Variants in PTPRJ observed in about 807,000 individuals in gnomAD.
PTPRJ encodes protein tyrosine phosphatase receptor type J.
Under a neutral mutation model 141.3 loss-of-function variants are expected in PTPRJ, and 129 were observed. The observed-to-expected ratio is 0.91, with a 90% CI of 0.79 to 1.06. The LOEUF (loss-of-function observed/expected upper bound fraction) is 1.06. Ranked by LOEUF, PTPRJ falls within the 50% of genes least tolerant of loss-of-function variation. The probability of loss-of-function intolerance (pLI) is 0.00; values close to 1 mark genes in which losing one functional copy is unlikely to be tolerated. For missense variants in PTPRJ, 1,601 were observed against 1,679.7 expected (o/e 0.95, Z 0.82); for synonymous variants, 610 against 640.5 (o/e 0.95, Z 0.72).
chr11:48,024,067 A>AC (rs1853738383), intron 1 of PTPRJ, among the ~76,000 whole-genome samples: 1 of 151,368 alleles, frequency 6.6e-6, no homozygotes, highest in Admixed American at 6.6e-5. Context: ...CCCCACCTGG[A>AC]CCCCCACCTG....
chr11:48,122,276 G>GAGAGAAA, intron 4 of PTPRJ, among the ~76,000 whole-genome samples: 1 of 152,278 alleles, frequency 6.6e-6, no homozygotes, highest in South Asian at 2.1e-4. Context: ...AGAAGAGAAT[G>GAGAGAAA]AGAGAAAAGA....
chr11:48,055,457 C>T (rs553795111), intron 1 of PTPRJ, among the ~76,000 whole-genome samples: 1 of 152,326 alleles, frequency 6.6e-6, no homozygotes, highest in South Asian at 2.1e-4. Flanking sequence ...TCATTCTTGG[C>T]CTCTTTCCTC....
intron 21 of PTPRJ, among the ~76,000 whole-genome samples, chr11:48,159,161 G>GTGTGTGTTTA (rs60389100): frequency 0.023 from 3,007 of 130,582 alleles, 87 homozygotes; most frequent in Middle Eastern, 0.07. Context: ...GTGTGTGTGT[G>GTGTGTGTTTA]GTCATTTGCC....
At chr11:48,107,873 A>C (rs1214564086) in intron 1 of PTPRJ, among the ~76,000 whole-genome samples, 1 of 152,054 alleles carries the variant, frequency 6.6e-6, no homozygotes, top group Non-Finnish European at 1.5e-5. Context: ...GCTTGAGCCC[A>C]GGAGCTTCTG....
intron 1 of PTPRJ, among the ~76,000 whole-genome samples, chr11:48,064,473 A>G (rs1049813034): frequency 6.6e-6 from 1 of 152,174 alleles, no homozygotes; most frequent in Non-Finnish European, 1.5e-5. Flanking sequence ...CATGGGCTGA[A>G]CTTGGGCATT....
At chr11:47,998,897 T>C (rs1365465179) in intron 1 of PTPRJ, among the ~76,000 whole-genome samples, 5 of 151,944 alleles carry the variant, frequency 3.3e-5, no homozygotes, top group African/African-American at 1.2e-4. Context: ...GAGGACAGAG[T>C]CTGAAGTTCA....
chr11:48,005,088 G>C (rs975095025), intron 1 of PTPRJ, among the ~76,000 whole-genome samples: 2 of 152,058 alleles, frequency 1.3e-5, no homozygotes, highest in African/African-American at 4.8e-5. Flanking sequence ...CAGGCATGGT[G>C]GTGGGTGCCT....
intron 11 of PTPRJ, among the ~76,000 whole-genome samples, chr11:48,141,884 G>A (rs980698854): frequency 6.7e-6 from 1 of 149,164 alleles, no homozygotes; most frequent in African/African-American, 2.4e-5. Flanking sequence ...TGCTTTTTGT[G>A]TGGTATCCAA....
At chr11:48,002,018 A>G (rs1267259397) in intron 1 of PTPRJ, among the ~76,000 whole-genome samples, 4 of 152,120 alleles carry the variant, frequency 2.6e-5, no homozygotes, top group African/African-American at 7.2e-5. Context: ...ATGAGAACTA[A>G]GGGAGTACAA....
At chr11:47,984,146 T>G (rs1457589422) in intron 1 of PTPRJ, among the ~76,000 whole-genome samples, 1 of 152,198 alleles carries the variant, frequency 6.6e-6, no homozygotes, top group Non-Finnish European at 1.5e-5. Context: ...TGACTTCAAG[T>G]TGGGCCCCAC....
rs140966645 is a variant in PTPRJ, at chr11:48,083,903, A to T, written c.97-26155A>T. On this transcript the variant is annotated intron_variant, in intron 1 of 24. Coordinates refer to ENST00000418331, the MANE Select transcript of PTPRJ (RefSeq NM_002843.4). The stretch of plus-strand genomic sequence containing the variant: ...GTCTGTGAGGTCAAAGTATTTTTAT[A>T]ATAATAGTAAACTATTTGTCCTTTC... Among the ~76,000 whole-genome samples the T allele has an allele frequency of 2.7e-3, 412 of 152,332 alleles. 1 individual carries two copies. Among genetic ancestry groups the T allele is most frequent in the African/African-American group, 9.5e-3 (393 of 41,572 alleles).
chr11:48,143,170 A>T, intron 12 of PTPRJ, 120 bp downstream of exon 12: 1 of 1,269,618 alleles, frequency 7.9e-7, no homozygotes, highest in Non-Finnish European at 1.1e-6. Context: ...ACTGCAGCCT[A>T]TGCTGTGTAC....
intron 1 of PTPRJ, among the ~76,000 whole-genome samples, chr11:48,024,754 G>A (rs186150252): frequency 6.6e-4 from 101 of 152,344 alleles, no homozygotes; most frequent in Non-Finnish European, 1.2e-3. Flanking sequence ...CATGAGCTGT[G>A]TTGTCATTTC....
chr11:48,005,086 G>A (rs757042906), intron 1 of PTPRJ, among the ~76,000 whole-genome samples: 2 of 133,210 alleles, frequency 1.5e-5, no homozygotes, highest in African/African-American at 3.9e-5. Flanking sequence ...GCCAGGCATG[G>A]TGGTGGGTGC....
At chr11:48,087,304 C>T (rs570734819) in intron 1 of PTPRJ, among the ~76,000 whole-genome samples, 7 of 152,268 alleles carry the variant, frequency 4.6e-5, no homozygotes, top group African/African-American at 1.4e-4. Context: ...CTGAGATTCT[C>T]GTGAAGCTAA....
intron 18 of PTPRJ, among the ~76,000 whole-genome samples, chr11:48,151,896 G>A (rs1318086758): frequency 6.6e-6 from 1 of 152,154 alleles, no homozygotes; most frequent in Non-Finnish European, 1.5e-5. Flanking sequence ...GAATAGTGCT[G>A]CAATAAACAT....
In PTPRJ at chr11:48,149,469, G is replaced by C. The variant is rs1408047551; in HGVS notation, c.3022G>C (p.Val1008Leu). 2 of 1,520,814 alleles carry C rather than the reference G, an allele frequency of 1.3e-6. No homozygotes were observed. The highest frequency in any genetic ancestry group is 1.8e-6 in the Non-Finnish European group (2 of 1,107,872). The allele number at this position is 1,520,814 out of a possible 1,614,324, so 94.2% of individuals were successfully genotyped here. ...KKRKDAKNNE[V>L]SFSQIKPKKS... Reference sequence around the variant, plus strand: ...CAGGAAAGATGCAAAGAATAATGAAGTGTCCTTTTCTCAAATTAAGTAAGT... The same window carrying C: ...CAGGAAAGATGCAAAGAATAATGAACTGTCCTTTTCTCAAATTAAGTAAGT... Residue 1008 changes from valine to leucine, a missense_variant, in exon 16 of 25, where the codon GTG becomes CTG. Physicochemically the swap from Val to Leu is conservative, Grantham distance 32. Transcript: ENST00000418331.
Position 48,130,653 on chromosome 11 carries a change from GAA to G in PTPRJ, c.1554_1555del (p.Glu518AspfsTer10). On this transcript the variant is annotated frameshift_variant, in exon 8 of 25. Transcript: ENST00000418331. LOFTEE classifies it high-confidence loss of function. ...GLFPGTKYCF[E>X]IVPKGPNGTE... Reference sequence around the variant, plus strand: ...GTTCCCTGGAACCAAGTATTGCTTTGAAATAGTTCCAAAAGGACCAAATGGGA... The same window carrying G: ...GTTCCCTGGAACCAAGTATTGCTTTGATAGTTCCAAAAGGACCAAATGGGA... 6.2e-7 allele frequency: 1 copy of G among 1,614,072 alleles called. No homozygotes were observed. Among genetic ancestry groups the G allele is most frequent in the Non-Finnish European group, 8.5e-7 (1 of 1,179,946 alleles).
chr11:48,123,371 G>GT (rs1425448646), intron 4 of PTPRJ, among the ~76,000 whole-genome samples: 1 of 151,854 alleles, frequency 6.6e-6, no homozygotes, highest in East Asian at 1.9e-4. Context: ...CAGTTTTAAG[G>GT]TTTTTTTCTT....
Sources: gnomAD v4.1 joint callset for allele counts (sites outside exome capture counted in the v4.1 genomes callset) on GRCh38, gnomAD v4.1.1 for gene constraint, MANE v1.5 for transcripts, NCBI Gene and HGNC (gene_info 2026-07-23, HGNC 2026-07-21) for gene names.